PARD3: variants seen among roughly 807,000 people sequenced by gnomAD.
PARD3 encodes the protein partitioning defective 3 homolog.
In PARD3, 75 loss-of-function variants were observed where a neutral mutation model predicts 155.4. The ratio of observed to expected loss-of-function variants is 0.48; its 90% CI spans 0.40 to 0.58. The LOEUF is 0.58. Among genes scored for constraint, PARD3 ranks in the 20% least tolerant of loss-of-function variants. The probability of loss-of-function intolerance (pLI) is 0.00; values close to 1 mark genes in which losing one functional copy is unlikely to be tolerated. For synonymous variants in PARD3, 576 were observed against 610.5 expected, an observed-to-expected ratio of 0.94 and a Z score of 0.83; for missense variants, 1,642 against 1,721.7, an observed-to-expected ratio of 0.95 and a Z score of 0.82.
intron 20 of PARD3, among the ~76,000 whole-genome samples, chr10:34,301,694 T>C (rs1957153085): frequency 6.6e-6 from 1 of 152,152 alleles, no homozygotes; most frequent in South Asian, 2.1e-4. Flanking sequence ...GCTTATGAGA[T>C]GCAACATGTC....
chr10:34,128,094 G>A (rs1387262863), intron 23 of PARD3, among the ~76,000 whole-genome samples: 1 of 152,180 alleles, frequency 6.6e-6, no homozygotes, highest in African/African-American at 2.4e-5. Context: ...AGTTAGGCAA[G>A]AATTGATTTC....
chr10:34,348,143 G>C (rs374691248), intron 14 of PARD3, 28 bp from the exon 15 acceptor site: 15 of 1,569,756 alleles, frequency 9.6e-6, no homozygotes, highest in Non-Finnish European at 1.3e-5. Flanking sequence ...TGGGGGCAAA[G>C]AAAAATCAGT....
At chr10:34,665,943 G>C (rs2093459511) in intron 2 of PARD3, among the ~76,000 whole-genome samples, 1 of 148,170 alleles carries the variant, frequency 6.7e-6, no homozygotes, top group South Asian at 2.1e-4. Flanking sequence ...TTCTAGGCCA[G>C]GCGTTCACAC....
At chr10:34,205,483 T>A (rs1434684445) in intron 22 of PARD3, among the ~76,000 whole-genome samples, 1 of 152,208 alleles carries the variant, frequency 6.6e-6, no homozygotes, top group East Asian at 1.9e-4. Flanking sequence ...CACTCCTCTG[T>A]TCACTTTATC....
chr10:34,113,769 G>T (rs965129274), intron 24 of PARD3, among the ~76,000 whole-genome samples: 2 of 152,106 alleles, frequency 1.3e-5, no homozygotes, highest in Non-Finnish European at 2.9e-5. Flanking sequence ...TGTGACACTG[G>T]GCGAGTTCTG....
chr10:34,216,577 G>A (rs997904467), intron 22 of PARD3, among the ~76,000 whole-genome samples: 5 of 152,194 alleles, frequency 3.3e-5, no homozygotes, highest in African/African-American at 1.2e-4. Context: ...TCAACAGTAA[G>A]CTGCTTAATC....
At chr10:34,249,953 T>A (rs1183869326) in intron 22 of PARD3, among the ~76,000 whole-genome samples, 4 of 152,226 alleles carry the variant, frequency 2.6e-5, no homozygotes, top group South Asian at 4.1e-4. Flanking sequence ...TATGCATGGA[T>A]AGCAATCTCA....
intron 1 of PARD3, among the ~76,000 whole-genome samples, chr10:34,746,946 G>C (rs1282314564): frequency 2.0e-5 from 3 of 152,194 alleles, no homozygotes; most frequent in African/African-American, 7.2e-5. Flanking sequence ...CCGGGGTTCA[G>C]GGTCACCACA....
intron 2 of PARD3, among the ~76,000 whole-genome samples, chr10:34,600,808 A>T (rs2089694231): frequency 6.6e-6 from 1 of 151,958 alleles, no homozygotes; most frequent in South Asian, 2.1e-4. Context: ...ATATTTTGAG[A>T]CAGATTCTTG....
chr10:34,350,875 G>C (rs184669097), intron 14 of PARD3, among the ~76,000 whole-genome samples: 1 of 152,112 alleles, frequency 6.6e-6, no homozygotes, highest in African/African-American at 2.4e-5. Flanking sequence ...ACCCACACTC[G>C]GTAGGAGTGT....
intron 1 of PARD3, among the ~76,000 whole-genome samples, chr10:34,697,035 A>AACAC (rs538032384): frequency 3.5e-4 from 48 of 136,920 alleles, no homozygotes; most frequent in African/African-American, 1.3e-3. Flanking sequence ...AAAATGCGTA[A>AACAC]ACACACACAC....
chr10:34,476,077 C>T (rs2078686438), intron 3 of PARD3, among the ~76,000 whole-genome samples: 1 of 151,562 alleles, frequency 6.6e-6, no homozygotes, highest in African/African-American at 2.4e-5. Flanking sequence ...TCACTTGAGC[C>T]CAGGAGTTCA....
At position 34,622,938 on chromosome 10, in the gene PARD3, T is replaced by C. The variant is rs185996104; in HGVS notation, c.222+73380A>G. Among the ~76,000 whole-genome samples the C allele has an allele frequency of 3.3e-5, 5 of 151,976 alleles. No individual in the cohort carries two copies. The East Asian group carries it at 5.8e-4, about 18-fold the overall frequency. ...GTGTAAAGTGGGTCTTTTCAGGACC[T>C]TTTTCCCCATGTGTGTCTTTTTTTC... On this transcript the variant is annotated intron_variant, in intron 2 of 24. Transcript: ENST00000374788.
At chr10:34,789,987 G>A (rs919597524) in intron 1 of PARD3, among the ~76,000 whole-genome samples, 12 of 152,202 alleles carry the variant, frequency 7.9e-5, no homozygotes, top group African/African-American at 2.7e-4. Context: ...CTGGGAAGCT[G>A]AACCAGAAAC....
chr10:34,306,557 G>A (rs187870913), intron 20 of PARD3, among the ~76,000 whole-genome samples: 22 of 152,030 alleles, frequency 1.4e-4, no homozygotes, highest in Admixed American at 1.4e-3. Context: ...GCTGAGGCAG[G>A]AGAATCGCTT....
chr10:34,331,752 CCT>C (rs1491234156), intron 18 of PARD3, among the ~76,000 whole-genome samples: 1 of 122,622 alleles, frequency 8.2e-6, no homozygotes, highest in Non-Finnish European at 1.7e-5. Context: ...TTAATTAAAA[CCT>C]TTTTTTTTTT....
At chr10:34,629,569 C>A (rs1489362547) in intron 2 of PARD3, among the ~76,000 whole-genome samples, 1 of 152,168 alleles carries the variant, frequency 6.6e-6, no homozygotes, top group East Asian at 1.9e-4. Context: ...ATCTGCTAGA[C>A]GAAAACCTAC....
intron 2 of PARD3, among the ~76,000 whole-genome samples, chr10:34,562,992 A>C (rs1048308072): frequency 2.0e-5 from 3 of 152,088 alleles, no homozygotes; most frequent in Admixed American, 6.5e-5. Context: ...ACTGGTCTCA[A>C]ACTCCCGCCT....
chr10:34,303,317 T>A (rs943368163), intron 20 of PARD3, among the ~76,000 whole-genome samples: 1 of 152,080 alleles, frequency 6.6e-6, no homozygotes, highest in East Asian at 1.9e-4. Context: ...AAAATTTCCA[T>A]CCTGTTAGAG....
Sources: allele counts gnomAD v4.1 joint callset (sites outside exome capture counted in the v4.1 genomes callset), GRCh38; gene constraint gnomAD v4.1.1; transcripts MANE v1.5; gene names NCBI Gene and HGNC (gene_info 2026-07-23, HGNC 2026-07-21).